The following NOL4 variants were observed in gnomAD, a reference collection of about 807,000 sequenced individuals.
NOL4 encodes nucleolar protein 4.
In NOL4, 17 loss-of-function variants were observed where a neutral mutation model predicts 75.9. The ratio of observed to expected loss-of-function variants is 0.22; its 90% CI spans 0.15 to 0.34. The LOEUF (loss-of-function observed/expected upper bound fraction) is 0.34, where lower values mean the gene tolerates loss of function less well. Ranked by LOEUF, NOL4 falls within the 10% of genes least tolerant of loss-of-function variation. The probability of loss-of-function intolerance (pLI) is 1.00; values close to 1 mark genes in which losing one functional copy is unlikely to be tolerated. For synonymous variants in NOL4, 292 were observed against 289.9 expected (o/e 1.01, Z -0.07); for missense variants, 614 against 793.5 (o/e 0.77, Z 2.72).
At chr18:34,058,335 C>T (rs1285879721) in intron 5 of NOL4, among the ~76,000 whole-genome samples, 2 of 152,098 alleles carry the variant, frequency 1.3e-5, no homozygotes, top group African/African-American at 2.4e-5. Flanking sequence ...GGGGTTTCAC[C>T]ATGTTAGCTA....
At chr18:34,133,041 G>GT (rs1170999567) in intron 1 of NOL4, among the ~76,000 whole-genome samples, 9 of 148,694 alleles carry the variant, frequency 6.1e-5, no homozygotes, top group African/African-American at 2.3e-4. Flanking sequence ...AGGAGGCAGA[G>GT]GGGGGTGGAT....
intron 6 of NOL4, among the ~76,000 whole-genome samples, chr18:33,970,169 T>C (rs2070937641): frequency 6.6e-6 from 1 of 152,186 alleles, no homozygotes. Context: ...TTCAAATAAG[T>C]ATAGCCATTA....
intron 6 of NOL4, among the ~76,000 whole-genome samples, chr18:33,983,727 C>T (rs572873603): frequency 1.7e-4 from 26 of 151,792 alleles, no homozygotes; most frequent in Non-Finnish European, 3.2e-4. Flanking sequence ...AAACCACTCA[C>T]TGAATCTTTG....
chr18:34,194,426 G>GGAA (rs2035158342), intron 1 of NOL4, among the ~76,000 whole-genome samples: 2 of 127,996 alleles, frequency 1.6e-5, no homozygotes, highest in African/African-American at 3.0e-5. Context: ...GAGGGAGGGA[G>GGAA]GGAAGGAAGG....
intron 5 of NOL4, among the ~76,000 whole-genome samples, chr18:34,045,545 C>A (rs533450437): frequency 6.6e-6 from 1 of 152,262 alleles, no homozygotes; most frequent in East Asian, 1.9e-4. Context: ...TTTCTACAGT[C>A]TAATTTCAAC....
At chr18:34,064,758 C>T (rs1245919658) in intron 5 of NOL4, among the ~76,000 whole-genome samples, 1 of 151,778 alleles carries the variant, frequency 6.6e-6, no homozygotes, top group Non-Finnish European at 1.5e-5. Context: ...TGTGGTTTGT[C>T]TTTATGTATG....
At chr18:34,138,614 T>C (rs1320768643) in intron 1 of NOL4, among the ~76,000 whole-genome samples, 1 of 151,970 alleles carries the variant, frequency 6.6e-6, no homozygotes, top group Admixed American at 6.6e-5. Flanking sequence ...AATATGTGAG[T>C]TCTGCAAACA....
At chr18:34,112,576 A>G (rs920448341) in intron 2 of NOL4, among the ~76,000 whole-genome samples, 1 of 152,108 alleles carries the variant, frequency 6.6e-6, no homozygotes, top group African/African-American at 2.4e-5. Context: ...GAACCTGGAG[A>G]TTATTATGGT....
intron 1 of NOL4, among the ~76,000 whole-genome samples, chr18:34,217,653 C>A (rs948750214): frequency 2.6e-5 from 4 of 151,876 alleles, no homozygotes; most frequent in Non-Finnish European, 5.9e-5. Context: ...ATAATTACAT[C>A]GTGATTTTCA....
intron 9 of NOL4, among the ~76,000 whole-genome samples, chr18:33,927,870 G>A (rs1037370325): frequency 6.4e-4 from 98 of 151,968 alleles, no homozygotes; most frequent in African/African-American, 2.2e-3. Flanking sequence ...TGGACCACAC[G>A]AGACATGTCA....
Position 34,129,907 on chromosome 18 carries a change from A to G in NOL4, c.378T>C (p.Ile126=), listed in dbSNP as rs772585325. The stretch of plus-strand genomic sequence containing the variant: ...TTCTCTTTTGTCCAGCGTGTTTCCG[A>G]ATTTGTTCTCCATTTGGCCCCGTTT... ...HVETGPNGEQ[I]RKHAGQKRTY... The change falls in exon 2 of 11, where the codon ATT becomes ATC. Residue 126 remains isoleucine, a synonymous_variant. Transcript: ENST00000261592. 3 of 1,594,456 alleles carry G rather than the reference A, an allele frequency of 1.9e-6. No individual in the cohort carries two copies. The highest frequency in any genetic ancestry group is 2.6e-6 in the Non-Finnish European group (3 of 1,169,990).
intron 6 of NOL4, among the ~76,000 whole-genome samples, chr18:33,970,332 A>G (rs527291138): frequency 1.4e-4 from 22 of 152,312 alleles, no homozygotes; most frequent in African/African-American, 5.1e-4. Flanking sequence ...ACTGGTCAGT[A>G]TCTCATCAGT....
At chr18:33,979,444 T>C (rs569412003) in intron 6 of NOL4, among the ~76,000 whole-genome samples, 2 of 152,220 alleles carry the variant, frequency 1.3e-5, no homozygotes, top group African/African-American at 4.8e-5. Flanking sequence ...ATTTATAAAA[T>C]GTCTTAACCA....
At chr18:33,974,639 G>T (rs531987817) in intron 6 of NOL4, among the ~76,000 whole-genome samples, 2 of 152,104 alleles carry the variant, frequency 1.3e-5, no homozygotes, top group Non-Finnish European at 2.9e-5. Context: ...TAATGAAAAA[G>T]TTTATTACAT....
chr18:34,157,293 G>T (rs1199582772), intron 1 of NOL4: 1 of 152,156 alleles, frequency 6.6e-6, no homozygotes, highest in Non-Finnish European at 1.5e-5. Context: ...ATGCCAGTAA[G>T]AAAATTTCAT....
At chr18:34,100,978 C>G (rs2079018762) in intron 4 of NOL4, among the ~76,000 whole-genome samples, 1 of 152,152 alleles carries the variant, frequency 6.6e-6, no homozygotes, top group South Asian at 2.1e-4. Context: ...CAATTCTACC[C>G]TACTTGTTCA....
intron 1 of NOL4, among the ~76,000 whole-genome samples, chr18:34,176,006 A>G (rs2033514051): frequency 6.6e-6 from 1 of 152,124 alleles, no homozygotes; most frequent in Non-Finnish European, 1.5e-5. Flanking sequence ...TCTTGGAGGA[A>G]ACTAGTTTAT....
intron 1 of NOL4, among the ~76,000 whole-genome samples, chr18:34,180,980 G>A (rs901978416): frequency 1.3e-5 from 2 of 151,312 alleles, no homozygotes; most frequent in Non-Finnish European, 3.0e-5. Context: ...ATATTTTTAT[G>A]ATGGCAATAC....
chr18:34,147,774 T>C (rs2081468411), intron 1 of NOL4, among the ~76,000 whole-genome samples: 1 of 152,128 alleles, frequency 6.6e-6, no homozygotes, highest in Non-Finnish European at 1.5e-5. Flanking sequence ...TTGTTTGGAA[T>C]AGTTTCAGAA....
Sources: gnomAD v4.1 joint callset for allele counts (sites outside exome capture counted in the v4.1 genomes callset) on GRCh38, gnomAD v4.1.1 for gene constraint, MANE v1.5 for transcripts, NCBI Gene and HGNC (gene_info 2026-07-23, HGNC 2026-07-21) for gene names.